DPP10: variants seen among roughly 807,000 people sequenced by gnomAD.
DPP10 encodes the protein inactive dipeptidyl peptidase 10.
A neutral mutation model predicts 120.9 loss-of-function variants in DPP10; 33 were observed. The observed-to-expected ratio is 0.27, with a 90% confidence interval of 0.21 to 0.37. The LOEUF is 0.37. Among genes scored for constraint, DPP10 ranks in the 10% least tolerant of loss-of-function variants. The probability of loss-of-function intolerance (pLI) is 1.00; values close to 1 mark genes in which losing one functional copy is unlikely to be tolerated. For synonymous variants in DPP10, 337 were observed against 326.1 expected (o/e 1.03, Z -0.36); for missense variants, 816 against 942.8 (o/e 0.87, Z 1.76).
chr2:115,161,676 C>G, intron 1 of DPP10: 6 of 336,042 alleles, frequency 1.8e-5, no homozygotes, highest in Non-Finnish European at 3.2e-5. Flanking sequence ...TAACTTGCCG[C>G]TTGGTCTCGC....
chr2:115,549,957 A>C (rs2079773311), intron 5 of DPP10, among the ~76,000 whole-genome samples: 1 of 152,104 alleles, frequency 6.6e-6, no homozygotes, highest in Non-Finnish European at 1.5e-5. Context: ...CATCACACAC[A>C]TTCCTGAGCC....
intron 1 of DPP10, among the ~76,000 whole-genome samples, chr2:114,583,148 T>C (rs1690677692): frequency 6.6e-6 from 1 of 152,246 alleles, no homozygotes; most frequent in Non-Finnish European, 1.5e-5. Flanking sequence ...GTATGTCCCA[T>C]ATTTTGTTTA....
intron 3 of DPP10, among the ~76,000 whole-genome samples, chr2:115,479,538 T>C (rs1288183379): frequency 6.6e-6 from 1 of 152,140 alleles, no homozygotes; most frequent in Non-Finnish European, 1.5e-5. Context: ...AGTTGAAAAC[T>C]TAAAATGGTT....
chr2:115,315,560 A>G (rs1659162600), intron 2 of DPP10, among the ~76,000 whole-genome samples: 3 of 152,166 alleles, frequency 2.0e-5, no homozygotes, highest in South Asian at 4.1e-4. Flanking sequence ...TGTCAAAGCA[A>G]TGATTAAACT....
At chr2:115,438,394 A>C (rs2071699483) in intron 3 of DPP10, among the ~76,000 whole-genome samples, 1 of 152,194 alleles carries the variant, frequency 6.6e-6, no homozygotes, top group Non-Finnish European at 1.5e-5. Flanking sequence ...TATACTCAAA[A>C]GAATGGAAAA....
At chr2:115,448,145 G>T (rs2072783912) in intron 3 of DPP10, among the ~76,000 whole-genome samples, 1 of 152,130 alleles carries the variant, frequency 6.6e-6, no homozygotes, top group Admixed American at 6.5e-5. Context: ...GAACGGTGAA[G>T]TTTTGGAAAA....
intron 1 of DPP10, among the ~76,000 whole-genome samples, chr2:114,606,041 G>A (rs1485599678): frequency 1.3e-5 from 2 of 151,990 alleles, no homozygotes; most frequent in African/African-American, 2.4e-5. Context: ...TTGAAATAAC[G>A]ATTTGGGCAG....
chr2:115,113,808 A>C (rs2049357920), intron 1 of DPP10, among the ~76,000 whole-genome samples: 1 of 152,204 alleles, frequency 6.6e-6, no homozygotes, highest in Non-Finnish European at 1.5e-5. Context: ...GAACTTGTGC[A>C]ACCCTTAATA....
At chr2:114,609,748 T>G (rs1046934659) in intron 1 of DPP10, among the ~76,000 whole-genome samples, 1 of 152,154 alleles carries the variant, frequency 6.6e-6, no homozygotes, top group Non-Finnish European at 1.5e-5. Context: ...TTGAAAACTT[T>G]CAGAGAATGA....
intron 1 of DPP10, among the ~76,000 whole-genome samples, chr2:114,497,684 A>G (rs932381474): frequency 6.6e-6 from 1 of 152,198 alleles, no homozygotes; most frequent in Non-Finnish European, 1.5e-5. Context: ...GAAAACAATC[A>G]GACTCAGAGG....
chr2:115,060,640 C>T (rs532277145), intron 1 of DPP10, among the ~76,000 whole-genome samples: 4 of 152,292 alleles, frequency 2.6e-5, no homozygotes, highest in African/African-American at 9.6e-5. Flanking sequence ...GTTATGTCAA[C>T]TTCCCTATGG....
chr2:114,794,930 G>A (rs572437670), intron 1 of DPP10, among the ~76,000 whole-genome samples: 6 of 152,162 alleles, frequency 3.9e-5, no homozygotes, highest in South Asian at 2.1e-4. Flanking sequence ...AGTACATTGC[G>A]TGAGGCACAT....
At chr2:115,588,850 T>C (rs1250517127) in intron 5 of DPP10, among the ~76,000 whole-genome samples, 1 of 152,224 alleles carries the variant, frequency 6.6e-6, no homozygotes, top group Admixed American at 6.5e-5. Flanking sequence ...AATATTCTTC[T>C]ATACAATTAT....
At chr2:115,384,905 A>C (rs1402669081) in intron 3 of DPP10, among the ~76,000 whole-genome samples, 1 of 152,170 alleles carries the variant, frequency 6.6e-6, no homozygotes, top group Non-Finnish European at 1.5e-5. Context: ...AGTGGGAGAT[A>C]ATTTGAATCC....
intron 1 of DPP10, among the ~76,000 whole-genome samples, chr2:114,902,616 A>C (rs564418979): frequency 6.6e-6 from 1 of 152,348 alleles, no homozygotes; most frequent in African/African-American, 2.4e-5. Flanking sequence ...CCAAATAAAA[A>C]GCAAGCTGGT....
intron 1 of DPP10, among the ~76,000 whole-genome samples, chr2:115,223,416 C>G (rs1450179026): frequency 6.6e-6 from 1 of 152,056 alleles, no homozygotes; most frequent in Admixed American, 6.6e-5. Flanking sequence ...AATTTAAATT[C>G]TGAATCTAAC....
At chr2:114,992,059 A>C (rs1700780932) in intron 1 of DPP10, among the ~76,000 whole-genome samples, 2 of 152,232 alleles carry the variant, frequency 1.3e-5, no homozygotes, top group South Asian at 4.1e-4. Flanking sequence ...GGAAGCATCC[A>C]TTCCTTTTTA....
chr2:115,399,140 C>T lies in DPP10; in HGVS notation c.271+55228C>T, dbSNP rs1422805490. On this transcript the variant is annotated intron_variant, in intron 3 of 25. Transcript: ENST00000410059. ...GTTTCATTGCTACTACTATTAGTAC[C>T]ATCATCTTTGATAATTACTACAATT... 1.7e-4 allele frequency among the ~76,000 whole-genome samples: 26 copies of T among 152,122 alleles called. 1 individual carries two copies. Among genetic ancestry groups the T allele is most frequent in the Admixed American group, 1.7e-3 (26 of 15,266 alleles).
At chr2:114,744,812 A>C (rs1196763758) in intron 1 of DPP10, among the ~76,000 whole-genome samples, 5 of 151,774 alleles carry the variant, frequency 3.3e-5, no homozygotes, top group Non-Finnish European at 7.4e-5. Context: ...CCCAAGCTGG[A>C]GTGTAGTGGC....
Sources: allele counts gnomAD v4.1 joint callset (sites outside exome capture counted in the v4.1 genomes callset), GRCh38; gene constraint gnomAD v4.1.1; transcripts MANE v1.5; gene names NCBI Gene and HGNC (gene_info 2026-07-23, HGNC 2026-07-21).